The following DNAI2 variants were observed in gnomAD, a reference collection of about 807,000 sequenced individuals.
The protein encoded by DNAI2 is dynein axonemal intermediate chain 2, also known as dynein, axonemal, intermediate polypeptide 2.
In DNAI2, 63 loss-of-function variants were observed where a neutral mutation model predicts 74.7. The observed-to-expected ratio is 0.84, with a 90% confidence interval of 0.69 to 1.04. The LOEUF is 1.04. DNAI2 is among the 50% of genes least tolerant of loss of function. DNAI2 has a pLI of 0.00. For synonymous variants in DNAI2, 289 were observed against 314.9 expected (o/e 0.92, Z 0.87); for missense variants, 688 against 803.2 (o/e 0.86, Z 1.73).
In DNAI2 at chr17:74,281,811, C is replaced by A. The variant is rs370090383; in HGVS notation, c.-7C>A. ...CACCCTCCCTCTGCCCCCCAGCAGC[C>A]GGCACCATGGAGATTGTGTACGTGT... On this transcript the variant is annotated 5_prime_UTR_variant, in exon 2 of 14. Coordinates refer to ENST00000311014, the MANE Select transcript of DNAI2 (RefSeq NM_023036.6). 2 of 1,613,564 alleles carry A rather than the reference C, an allele frequency of 1.2e-6. No individual in the cohort carries two copies. The highest frequency in any genetic ancestry group is 2.2e-5 in the East Asian group (1 of 44,856).
chr17:74,294,080 G>A (rs576026025), intron 6 of DNAI2, among the ~76,000 whole-genome samples: 14 of 151,416 alleles, frequency 9.2e-5, no homozygotes, highest in African/African-American at 3.4e-4. Context: ...ACCACGCCCA[G>A]CTTGGATCGT....
rs563616405 is a variant in DNAI2, at chr17:74,277,025, C to T, written c.-12+2680C>T. 1.1e-4 allele frequency among the ~76,000 whole-genome samples: 16 copies of T among 152,226 alleles called. No individual in the cohort carries two copies. The South Asian group carries it at 3.1e-3, about 30-fold the overall frequency. ...GCACCCCGCTACAATCTGGGCTTCT[C>T]ATCCCACCCTGTGCCCTCTAAGCCA... On this transcript the variant is annotated intron_variant, in intron 1 of 13. Transcript: ENST00000311014.
chr17:74,285,299 G>T, intron 3 of DNAI2, 98 bp downstream of exon 3: 1 of 1,474,422 alleles, frequency 6.8e-7, no homozygotes. Context: ...TCGCTGTGAG[G>T]CTCGTGTGAA....
intron 4 of DNAI2, among the ~76,000 whole-genome samples, chr17:74,289,321 G>C (rs1292479579): frequency 6.6e-6 from 1 of 152,230 alleles, no homozygotes; most frequent in Non-Finnish European, 1.5e-5. Context: ...GAGGTCACGA[G>C]TTTGAGACCA....
rs60023825 is a variant in DNAI2 at position 74,288,641 on chromosome 17, G to T, written c.468-953G>T. On this transcript the variant is annotated intron_variant, in intron 4 of 13. Coordinates refer to ENST00000311014, the MANE Select transcript of DNAI2 (RefSeq NM_023036.6). ...CCCCATCCCAGAGCACCTTTGTAGG[G>T]TGTACAAAAGAAGCTGATAGGAAGG... Among the ~76,000 whole-genome samples the T allele has an allele frequency of 9.3e-3, 1,414 of 152,280 alleles. 19 individuals are homozygous for T. The highest frequency in any genetic ancestry group is 0.032 in the African/African-American group (1,346 of 41,542).
At chr17:74,312,331 A>G in intron 12 of DNAI2, 101 bp downstream of exon 12, 2 of 902,004 alleles carry the variant, frequency 2.2e-6, no homozygotes, top group Non-Finnish European at 3.5e-6. Flanking sequence ...ACCTTGAGCA[A>G]GTAGTCTTAC....
intron 6 of DNAI2, among the ~76,000 whole-genome samples, chr17:74,293,346 G>A (rs1475922055): frequency 6.6e-6 from 1 of 152,092 alleles, no homozygotes; most frequent in Non-Finnish European, 1.5e-5. Flanking sequence ...TTAGGTACAT[G>A]CACATGCTTA....
intron 11 of DNAI2, 66 bp downstream of exon 11, chr17:74,310,229 G>A (rs900966435): frequency 1.5e-5 from 23 of 1,571,964 alleles, no homozygotes; most frequent in Non-Finnish European, 1.9e-5. Context: ...AGCAGAGCAG[G>A]CTAGTCAGAC....
At chr17:74,291,335 G>T (rs2052085947) in intron 6 of DNAI2, among the ~76,000 whole-genome samples, 1 of 151,830 alleles carries the variant, frequency 6.6e-6, no homozygotes, top group South Asian at 2.1e-4. Context: ...TAATTTTTTT[G>T]TTATTTTTAG....
intron 4 of DNAI2, among the ~76,000 whole-genome samples, chr17:74,287,376 G>A (rs894083690): frequency 1.3e-5 from 2 of 152,220 alleles, no homozygotes; most frequent in African/African-American, 4.8e-5. Flanking sequence ...GTAAGTACAA[G>A]TACCAAGCAT....
intron 1 of DNAI2, among the ~76,000 whole-genome samples, chr17:74,278,928 G>T (rs1236044611): frequency 6.6e-6 from 1 of 152,248 alleles, no homozygotes; most frequent in African/African-American, 2.4e-5. Flanking sequence ...AGCATTTTGG[G>T]AGGCCAAGGT....
chr17:74,291,749 GC>G (rs1216675580), intron 6 of DNAI2, among the ~76,000 whole-genome samples: 2 of 152,338 alleles, frequency 1.3e-5, no homozygotes, highest in Non-Finnish European at 2.9e-5. Flanking sequence ...GCGTTGGGGA[GC>G]CCTATTTTGG....
At chr17:74,311,504 T>C (rs969481654) in intron 11 of DNAI2, among the ~76,000 whole-genome samples, 1 of 152,208 alleles carries the variant, frequency 6.6e-6, no homozygotes, top group Non-Finnish European at 1.5e-5. Context: ...TCCCAGCTCC[T>C]TGAGAGGCTG....
chr17:74,299,854 G>A lies in DNAI2; in HGVS notation c.861G>A (p.Gly287=), dbSNP rs1251822840. ...AGTGCTTCTCAGCTTCCACGGATGG[G>A]CAGGTACCCACCAGCCAGACACTGG... The part of the protein sequence containing the change: ...GTECFSASTD[G]QVMWWDIRKM... The change falls in exon 7 of 14, where the codon GGG becomes GGA. Residue 287 remains glycine (G), a synonymous_variant. Coordinates refer to ENST00000311014, the MANE Select transcript of DNAI2 (RefSeq NM_023036.6). 4 of 1,613,430 alleles carry A rather than the reference G, an allele frequency of 2.5e-6. No homozygotes were observed. Among genetic ancestry groups the A allele is most frequent in the Non-Finnish European group, 2.5e-6 (3 of 1,180,008 alleles).
chr17:74,293,286 TCTC>T (rs764886751), intron 6 of DNAI2, among the ~76,000 whole-genome samples: 70 of 152,336 alleles, frequency 4.6e-4, no homozygotes, highest in Non-Finnish European at 7.9e-4. Flanking sequence ...ATTGTCTATT[TCTC>T]CTTCAATTTT....
chr17:74,290,914 C>T (rs1200925170), intron 5 of DNAI2, 106 bp from the exon 6 acceptor site: 7 of 964,504 alleles, frequency 7.3e-6, no homozygotes, highest in South Asian at 2.6e-5. Flanking sequence ...CAGGCTTCCC[C>T]CTCTGCCACC....
In DNAI2 at chr17:74,311,645, C is replaced by G. The variant is rs1472242145; in HGVS notation, c.1495-358C>G. On this transcript the variant is annotated intron_variant, in intron 11 of 13. Coordinates refer to ENST00000311014, the MANE Select transcript of DNAI2 (RefSeq NM_023036.6). Reference sequence around the variant, plus strand: ...AAAACAAAACAAAAAAGGAAAACCCCTAGTGCTGAGGCCTGGAGAGCCTCC... The same window carrying G: ...AAAACAAAACAAAAAAGGAAAACCCGTAGTGCTGAGGCCTGGAGAGCCTCC... Among the ~76,000 whole-genome samples the G allele has an allele frequency of 2.0e-5, 3 of 152,140 alleles. No homozygotes were observed. The East Asian group carries it at 5.8e-4, about 29-fold the overall frequency.
intron 6 of DNAI2, among the ~76,000 whole-genome samples, chr17:74,296,885 C>T (rs1025532191): frequency 9.2e-5 from 14 of 152,258 alleles, no homozygotes; most frequent in Admixed American, 3.9e-4. Flanking sequence ...GTGAAAATGC[C>T]ACTGTTCTTA....
intron 9 of DNAI2, among the ~76,000 whole-genome samples, chr17:74,306,533 C>T (rs2053199638): frequency 6.6e-6 from 1 of 152,204 alleles, no homozygotes; most frequent in South Asian, 2.1e-4. Flanking sequence ...AACGTCAAAG[C>T]CACCAGCAAC....
Sources: gnomAD v4.1 joint callset for allele counts (sites outside exome capture counted in the v4.1 genomes callset) on GRCh38, gnomAD v4.1.1 for gene constraint, MANE v1.5 for transcripts, NCBI Gene and HGNC (gene_info 2026-07-23, HGNC 2026-07-21) for gene names.